ADAP2: variants seen among roughly 807,000 people sequenced by gnomAD.
ADAP2 encodes the protein arf-GAP with dual PH domain-containing protein 2.
Under a neutral mutation model 54.9 loss-of-function variants are expected in ADAP2, and 42 were observed. That is an observed-to-expected ratio of 0.77 (90% CI 0.60 to 0.99). The LOEUF is 0.99. Ranked by LOEUF, ADAP2 falls within the 50% of genes least tolerant of loss-of-function variation. ADAP2 has a pLI of 0.00. For missense variants in ADAP2, 429 were observed against 480.4 expected, an observed-to-expected ratio of 0.89 and a Z score of 1.00; for synonymous variants, 177 against 180.1, an observed-to-expected ratio of 0.98 and a Z score of 0.14.
chr17:30,949,810 C>T (rs1012782884), intron 7 of ADAP2, among the ~76,000 whole-genome samples: 1 of 151,524 alleles, frequency 6.6e-6, no homozygotes, highest in Non-Finnish European at 1.5e-5. Context: ...GGCAAGACCT[C>T]GAGGTTGAGG....
chr17:30,924,646 C>A (rs80016029), intron 2 of ADAP2, among the ~76,000 whole-genome samples: 2,109 of 152,210 alleles, frequency 0.014, 59 homozygotes, highest in African/African-American at 0.049. Context: ...TGAATGCCTA[C>A]TCTGTGCCAG....
intron 3 of ADAP2, among the ~76,000 whole-genome samples, chr17:30,930,031 T>C (rs1203449717): frequency 6.7e-6 from 1 of 150,300 alleles, no homozygotes; most frequent in Admixed American, 6.7e-5. Context: ...CTCTTGATTG[T>C]AAGCGACAGA....
chr17:30,957,439 T>A (rs1905158741), intron 10 of ADAP2, among the ~76,000 whole-genome samples: 1 of 151,494 alleles, frequency 6.6e-6, no homozygotes, highest in Admixed American at 6.6e-5. Context: ...TTTAATTTTC[T>A]TTTTTTGAGG....
intron 1 of ADAP2, 138 bp from the exon 2 acceptor site, chr17:30,922,802 C>T (rs1910734455): frequency 1.0e-6 from 1 of 986,306 alleles, no homozygotes; most frequent in Non-Finnish European, 1.5e-6. Flanking sequence ...GGTGGGCTAA[C>T]CAGAAGGTGC....
intron 5 of ADAP2, among the ~76,000 whole-genome samples, chr17:30,942,273 A>G (rs950905114): frequency 1.3e-5 from 2 of 152,208 alleles, no homozygotes; most frequent in African/African-American, 4.8e-5. Flanking sequence ...AGTGAAAATT[A>G]ACAATGAGAT....
chr17:30,949,472 G>A (rs2142576184), intron 7 of ADAP2, 102 bp downstream of exon 7: 4 of 1,101,508 alleles, frequency 3.6e-6, no homozygotes, highest in African/African-American at 1.5e-5. Context: ...ACTAGGGCTG[G>A]GCGCGGTGGC....
intron 2 of ADAP2, among the ~76,000 whole-genome samples, chr17:30,924,711 T>C (rs1910893609): frequency 6.6e-6 from 1 of 152,130 alleles, no homozygotes; most frequent in African/African-American, 2.4e-5. Flanking sequence ...TACTAAGTGC[T>C]GGGTCTTGGG....
intron 3 of ADAP2, among the ~76,000 whole-genome samples, chr17:30,931,205 T>C (rs2142520428): frequency 6.6e-6 from 1 of 152,200 alleles, no homozygotes; most frequent in African/African-American, 2.4e-5. Context: ...ATCTGTCTCA[T>C]TGACCTAGAG....
At chr17:30,927,890 T>C (rs1370417127) in intron 3 of ADAP2, among the ~76,000 whole-genome samples, 4 of 152,030 alleles carry the variant, frequency 2.6e-5, no homozygotes, top group African/African-American at 7.2e-5. Flanking sequence ...AGCCAGGGCA[T>C]AGTAGCACGT....
chr17:30,926,402 A>G lies in ADAP2; in HGVS notation c.226-425A>G, dbSNP rs1911061733. On this transcript the variant is annotated intron_variant, in intron 2 of 10. Coordinates refer to ENST00000330889, the MANE Select transcript of ADAP2 (RefSeq NM_018404.3). The stretch of plus-strand genomic sequence containing the variant: ...GTACATTTATCTCCTGCAGACTTTC[A>G]GGGCTGCTAGGGGTCCTGGCCATCT... 2.0e-5 allele frequency among the ~76,000 whole-genome samples: 3 copies of G among 152,298 alleles called. No individual in the cohort carries two copies. The South Asian group carries it at 6.2e-4, about 32-fold the overall frequency.
At position 30,948,777 on chromosome 17, in the gene ADAP2, G is replaced by T. The variant is rs112277566; in HGVS notation, c.658-510G>T. ...TGCCATGAGCATCCTCATTAGAGGA[G>T]CATCCCCAGGCATAACTGCTCCCCA... is the stretch of plus-strand genomic sequence containing the variant. On this transcript the variant is annotated intron_variant, in intron 6 of 10. Coordinates refer to ENST00000330889, the MANE Select transcript of ADAP2 (RefSeq NM_018404.3). 3.8e-3 allele frequency among the ~76,000 whole-genome samples: 572 copies of T among 152,294 alleles called. 10 individuals are homozygous for T. Among genetic ancestry groups the T allele is most frequent in the African/African-American group, 0.013 (551 of 41,558 alleles).
chr17:30,945,630 C>G (rs1598047695), intron 6 of ADAP2, among the ~76,000 whole-genome samples: 1 of 151,950 alleles, frequency 6.6e-6, no homozygotes, highest in East Asian at 1.9e-4. Context: ...GTGGCATGCA[C>G]CTGTAGTCCC....
At chr17:30,923,586 A>G (rs1165297033) in intron 2 of ADAP2, among the ~76,000 whole-genome samples, 1 of 149,698 alleles carries the variant, frequency 6.7e-6, no homozygotes, top group African/African-American at 2.5e-5. Flanking sequence ...TTGCTTACCT[A>G]TAAGCTGGGA....
At chr17:30,953,228 G>A (rs112682010) in intron 7 of ADAP2, 60 bp from the exon 8 acceptor site, 30 of 1,564,316 alleles carry the variant, frequency 1.9e-5, no homozygotes, top group Admixed American at 3.4e-5. Flanking sequence ...AGCCAAGCTC[G>A]GCGGGAACCT....
At chr17:30,936,683 G>A (rs536740144) in intron 5 of ADAP2, among the ~76,000 whole-genome samples, 1 of 152,282 alleles carries the variant, frequency 6.6e-6, no homozygotes, top group South Asian at 2.1e-4. Context: ...TTGGGAGGCC[G>A]AGGTGGGCAG....
chr17:30,922,126 C>T lies in ADAP2; in HGVS notation c.94+18C>T. The T allele has an allele frequency of 1.6e-6, 2 of 1,231,502 alleles. No individual in the cohort carries two copies. Among genetic ancestry groups the T allele is most frequent in the Non-Finnish European group, 2.0e-6 (2 of 987,274 alleles). The allele number at this position is 1,231,502 out of a possible 1,614,324, so 76.3% of individuals were successfully genotyped here. ...GGCGGCAGGTAAGGGCGCGGCGGCG[C>T]GGGCAGCGCGAGACCCCCGGCCGGA... On this transcript the variant is annotated intron_variant, in intron 1 of 10. Transcript: ENST00000330889.
At chr17:30,945,364 A>G (rs1912588586) in intron 6 of ADAP2, among the ~76,000 whole-genome samples, 1 of 152,178 alleles carries the variant, frequency 6.6e-6, no homozygotes, top group Admixed American at 6.5e-5. Flanking sequence ...GAGGTTCTGA[A>G]TACGGGGGAG....
intron 5 of ADAP2, among the ~76,000 whole-genome samples, chr17:30,939,972 T>C (rs970292964): frequency 2.0e-5 from 3 of 152,152 alleles, no homozygotes; most frequent in Non-Finnish European, 4.4e-5. Flanking sequence ...TTTTTTATGC[T>C]GTTTTCTGAG....
At chr17:30,943,926 C>T (rs1479554717) in intron 5 of ADAP2, among the ~76,000 whole-genome samples, 1 of 152,044 alleles carries the variant, frequency 6.6e-6, no homozygotes, top group African/African-American at 2.4e-5. Context: ...GGCGGTGGCT[C>T]ATGCCTGTAA....
Sources: allele counts gnomAD v4.1 joint callset (sites outside exome capture counted in the v4.1 genomes callset), GRCh38; gene constraint gnomAD v4.1.1; transcripts MANE v1.5; gene names NCBI Gene and HGNC (gene_info 2026-07-23, HGNC 2026-07-21).